Variants in ALDH1A3 observed in about 807,000 individuals in gnomAD.
ALDH1A3 encodes the protein aldehyde dehydrogenase 1 family member A3.
In ALDH1A3, 28 loss-of-function variants were observed where a neutral mutation model predicts 57.5. The observed-to-expected ratio is 0.49, with a 90% CI of 0.36 to 0.67. The LOEUF is 0.67. Among genes scored for constraint, ALDH1A3 ranks in the 30% least tolerant of loss-of-function variants. The probability of loss-of-function intolerance (pLI) is 0.00; values close to 1 mark genes in which losing one functional copy is unlikely to be tolerated. For missense variants in ALDH1A3, 507 were observed against 669.4 expected, an observed-to-expected ratio of 0.76 and a Z score of 2.68; for synonymous variants, 281 against 264.8, an observed-to-expected ratio of 1.06 and a Z score of -0.59.
intron 1 of ALDH1A3, chr15:100,880,282 G>T (rs2041534221): frequency 2.6e-6 from 1 of 383,770 alleles, no homozygotes; most frequent in Non-Finnish European, 4.6e-6. Flanking sequence ...GCATCCCTGC[G>T]AGGCCCCGAC....
At chr15:100,913,468 T>C (rs1567175718) in intron 12 of ALDH1A3, 1 of 152,262 alleles carries the variant, frequency 6.6e-6, no homozygotes, top group Admixed American at 6.5e-5. Flanking sequence ...CCAGCACTGC[T>C]GCTCTCTGAA....
Position 100,893,591 on chromosome 15 carries a change from G to A in ALDH1A3, c.538-363G>A. ...CTGCCTGTCTGTTTGGGAAGCCTCT[G>A]GCCATTGCAACAACAGCCAGGCAGG... On this transcript the variant is annotated intron_variant, in intron 5 of 12. Transcript: ENST00000329841. This position sits in a 1 kb window ranked among gnomAD's most constrained non-coding sequence, Gnocchi z 4.8. 4.9e-6 allele frequency: 1 copy of A among 204,376 alleles called. No homozygotes were observed. Among genetic ancestry groups the A allele is most frequent in the Non-Finnish European group, 9.9e-6 (1 of 101,020 alleles). 12.7% of individuals were successfully genotyped at this position (204,376 alleles called of 1,614,324 possible).
At chr15:100,880,103 C>T (rs1341070814) in intron 1 of ALDH1A3, 97 bp downstream of exon 1, 7 of 846,964 alleles carry the variant, frequency 8.3e-6, no homozygotes, top group Non-Finnish European at 1.1e-5. Flanking sequence ...GGCCGGGGGT[C>T]CGCCGGGCGC....
At chr15:100,913,407 T>TA (rs1033352841) in intron 12 of ALDH1A3, 12 of 152,250 alleles carry the variant, frequency 7.9e-5, no homozygotes, top group African/African-American at 2.9e-4. Context: ...TTCCATCCTC[T>TA]AGAGGCTGCT....
At chr15:100,901,905 G>A (rs893320927) in intron 9 of ALDH1A3, among the ~76,000 whole-genome samples, 8 of 152,250 alleles carry the variant, frequency 5.3e-5, no homozygotes, top group East Asian at 1.9e-4. Flanking sequence ...CCGACGCCAC[G>A]TGACCCTGGC....
chr15:100,893,838 C>A lies in ALDH1A3; in HGVS notation c.538-116C>A. On this transcript the variant is annotated intron_variant, in intron 5 of 12. Coordinates refer to ENST00000329841, the MANE Select transcript of ALDH1A3 (RefSeq NM_000693.4). This position sits in a 1 kb window ranked among gnomAD's most constrained non-coding sequence, Gnocchi z 4.8. The stretch of plus-strand genomic sequence containing the variant: ...CATTGCACACTCCTATGTTACCCCA[C>A]ATACCCCAAATCCAGACCATGAAAA... 7.0e-7 allele frequency: 1 copy of A among 1,434,576 alleles called. No individual in the cohort carries two copies. The highest frequency in any genetic ancestry group is 9.4e-7 in the Non-Finnish European group (1 of 1,064,088). The allele number at this position is 1,434,576 out of a possible 1,614,324, so 88.9% of individuals were successfully genotyped here. A position where few individuals can be genotyped will look rare whatever the true frequency, so the allele number is the denominator to read the frequency against.
chr15:100,908,365 G>T (rs1230219754), intron 11 of ALDH1A3, 43 bp from the exon 12 acceptor site: 3 of 1,555,230 alleles, frequency 1.9e-6, no homozygotes, highest in Middle Eastern at 1.7e-4. Flanking sequence ...GAGCCAGGGG[G>T]TCTTCTCCAG....
At chr15:100,910,931 C>G (rs926081680) in intron 12 of ALDH1A3, among the ~76,000 whole-genome samples, 3 of 152,198 alleles carry the variant, frequency 2.0e-5, no homozygotes, top group Non-Finnish European at 4.4e-5. Context: ...GCAACCTTCC[C>G]TCTTGCCACC....
At chr15:100,880,052 T>C (rs897548487) in intron 1 of ALDH1A3, 46 bp downstream of exon 1, 1 of 1,336,012 alleles carries the variant, frequency 7.5e-7, no homozygotes, top group South Asian at 1.7e-5. Context: ...GCCCCTGCGC[T>C]GGGCAGCCAG....
chr15:100,902,816 G>A (rs762418272), intron 9 of ALDH1A3, among the ~76,000 whole-genome samples: 43 of 152,348 alleles, frequency 2.8e-4, no homozygotes, highest in Admixed American at 5.2e-4. Flanking sequence ...GGAGTGTGGA[G>A]TTTGGATGTG....
At position 100,905,433 on chromosome 15, in the gene ALDH1A3, G is replaced by A; in HGVS notation, c.1069-90G>A. 10 of 1,492,110 alleles carry A rather than the reference G, an allele frequency of 6.7e-6. No individual in the cohort carries two copies. The South Asian group carries it at 1.0e-4, about 16-fold the overall frequency. 92.4% of individuals were successfully genotyped at this position (1,492,110 alleles called of 1,614,324 possible). A position where few individuals can be genotyped will look rare whatever the true frequency, so the allele number is the denominator to read the frequency against. ...TGACAAGAACATGCAGAGGGAGGATGGCTGATCATGTTGAAGGCCACTGAA... is the reference window on the plus strand; with the variant it reads ...TGACAAGAACATGCAGAGGGAGGATAGCTGATCATGTTGAAGGCCACTGAA... On this transcript the variant is annotated intron_variant, in intron 9 of 12. Transcript: ENST00000329841.
rs186333333 is a variant in ALDH1A3, at chr15:100,880,208, G to A, written c.99+202G>A. On this transcript the variant is annotated intron_variant, in intron 1 of 12. Coordinates refer to ENST00000329841, the MANE Select transcript of ALDH1A3 (RefSeq NM_000693.4). ...GCGGGATCGCAGGCGGCGGGGCTCG[G>A]CGCTGTGAGCCTCGAAGCCGGGAAA... 1,525 of 401,814 alleles carry A rather than the reference G, an allele frequency of 3.8e-3. 19 individuals are homozygous for A. Among genetic ancestry groups the A allele is most frequent in the African/African-American group, 0.028 (1,380 of 48,480 alleles). 24.9% of individuals were successfully genotyped at this position (401,814 alleles called of 1,614,324 possible).
intron 7 of ALDH1A3, among the ~76,000 whole-genome samples, chr15:100,896,725 A>C (rs1441592300): frequency 1.3e-5 from 2 of 152,090 alleles, no homozygotes; most frequent in South Asian, 2.1e-4. Context: ...ACTTAGAGAA[A>C]TTTTCTCATG....
Position 100,914,926 on chromosome 15 carries a change from C to T in ALDH1A3, c.*153C>T, listed in dbSNP as rs927738589. 2.4e-5 allele frequency: 17 copies of T among 696,458 alleles called. No homozygotes were observed. In the African/African-American group the frequency reaches 2.5e-4, roughly 10 times the overall value. 43.1% of individuals were successfully genotyped at this position (696,458 alleles called of 1,614,324 possible). Reference sequence around the variant, plus strand: ...AGTTGAATGATTGCTGTTTTCCTCTCACTCTCCTGTTTATTCACCAGACTG... The same window carrying T: ...AGTTGAATGATTGCTGTTTTCCTCTTACTCTCCTGTTTATTCACCAGACTG... On this transcript the variant is annotated 3_prime_UTR_variant, in exon 13 of 13. Coordinates refer to ENST00000329841, the MANE Select transcript of ALDH1A3 (RefSeq NM_000693.4).
chr15:100,902,608 C>T (rs1278127132), intron 9 of ALDH1A3, among the ~76,000 whole-genome samples: 1 of 152,206 alleles, frequency 6.6e-6, no homozygotes, highest in Non-Finnish European at 1.5e-5. Context: ...GGGCAGGATC[C>T]GGCAGCGTCC....
chr15:100,879,926 G>C lies in ALDH1A3; in HGVS notation c.19G>C (p.Ala7Pro), dbSNP rs759448819. MATANG[A>P]VENGQPDRKP... The stretch of plus-strand genomic sequence containing the variant: ...AGGAGCCATGGCCACCGCTAACGGG[G>C]CCGTGGAAAACGGGCAGCCGGACAG... Residue 7 changes from alanine (A) to proline (P), a missense_variant, in exon 1 of 13, where the codon GCC (alanine) becomes CCC (proline). Physicochemically the swap from Ala to Pro is conservative, Grantham distance 27 (BLOSUM62 -1). This residue lies in a region of ALDH1A3 where 75 missense variants were observed against 61.0 expected (regional missense o/e 1.23). Coordinates refer to ENST00000329841, the MANE Select transcript of ALDH1A3 (RefSeq NM_000693.4). 6.1e-6 allele frequency: 9 copies of C among 1,466,054 alleles called. No individual in the cohort carries two copies. In the East Asian group the frequency reaches 2.7e-4, roughly 44 times the overall value. 90.8% of individuals were successfully genotyped at this position (1,466,054 alleles called of 1,614,324 possible).
rs573233075 is a variant in ALDH1A3, at chr15:100,902,615, G to A, written c.1068+1856G>A. On this transcript the variant is annotated intron_variant, in intron 9 of 12. Coordinates refer to ENST00000329841, the MANE Select transcript of ALDH1A3 (RefSeq NM_000693.4). ...ACCTGGCCGGGCAGGATCCGGCAGCGTCCTCCGGGCAGAGAGCCGAGCACA... is the reference window on the plus strand; with the variant it reads ...ACCTGGCCGGGCAGGATCCGGCAGCATCCTCCGGGCAGAGAGCCGAGCACA... Among the ~76,000 whole-genome samples, 7 of 152,332 alleles carry A rather than the reference G, an allele frequency of 4.6e-5. No individual in the cohort carries two copies. The South Asian group carries it at 1.0e-3, about 23-fold the overall frequency.
rs561803015 is a variant in ALDH1A3, at chr15:100,895,684, TC to T, written c.667-241del. 660 of 544,016 alleles carry T rather than the reference TC, an allele frequency of 1.2e-3. 4 individuals carry two copies. Among genetic ancestry groups the T allele is most frequent in the African/African-American group, 0.01 (538 of 52,398 alleles). The allele number at this position is 544,016 out of a possible 1,614,324, so 33.7% of individuals were successfully genotyped here. A position where few individuals can be genotyped will look rare whatever the true frequency, so the allele number is the denominator to read the frequency against. ...CACTGCATATCACTTTGGGATGGGG[TC>T]CCCCCCCAGAAGGAGAAGTGGGCAT... is the stretch of plus-strand genomic sequence containing the variant. On this transcript the variant is annotated intron_variant, in intron 6 of 12. Transcript: ENST00000329841.
rs141424943 is a variant in ALDH1A3, at chr15:100,907,816, C to T, written c.1391+538C>T. ...AAAGCTAATTCTTATTCCTCTACAC[C>T]CTGATTTTTCTTTTTCTTTCTTTCT... is the stretch of plus-strand genomic sequence containing the variant. On this transcript the variant is annotated intron_variant, in intron 11 of 12. Coordinates refer to ENST00000329841, the MANE Select transcript of ALDH1A3 (RefSeq NM_000693.4). 9.7e-4 allele frequency among the ~76,000 whole-genome samples: 145 copies of T among 150,028 alleles called. 1 individual carries two copies. The highest frequency in any genetic ancestry group is 2.8e-3 in the African/African-American group (114 of 40,880).
Sources: gnomAD v4.1 joint callset for allele counts (sites outside exome capture counted in the v4.1 genomes callset) on GRCh38, gnomAD v4.1.1 for gene constraint, gnomAD v4.1.1 regional missense constraint, Gnocchi (gnomAD v3.1) non-coding constraint, MANE v1.5 for transcripts, NCBI Gene and HGNC (gene_info 2026-07-23, HGNC 2026-07-21) for gene names.